UVSSA: variants seen among roughly 807,000 people sequenced by gnomAD.
The protein encoded by UVSSA is UV stimulated scaffold protein A, also known as UV-stimulated scaffold protein A.
Under a neutral mutation model 73.9 loss-of-function variants are expected in UVSSA, and 72 were observed. That is an observed-to-expected ratio of 0.97 (90% CI 0.81 to 1.19). The LOEUF (loss-of-function observed/expected upper bound fraction) is 1.19. UVSSA is among the 50% of genes most tolerant of loss of function. UVSSA has a pLI of 0.00. For synonymous variants in UVSSA, 454 were observed against 391.3 expected (o/e 1.16, Z -1.89); for missense variants, 1,150 against 965.0 (o/e 1.19, Z -2.54).
intron 8 of UVSSA, among the ~76,000 whole-genome samples, chr4:1,374,221 T>G (rs1560471647): frequency 6.6e-6 from 1 of 152,232 alleles, no homozygotes. Flanking sequence ...CAGGCTCAAG[T>G]GCAGGCCTTA....
At chr4:1,394,345 C>T (rs1454351273) in exon 14 of UVSSA, 1 of 1,237,274 alleles carries the variant, frequency 8.1e-7, no homozygotes, top group East Asian at 2.5e-5. Context: ...GCTCTTCCCC[C>T]TTAAAGATTA....
Position 1,380,126 on chromosome 4 carries a change from C to T in UVSSA, c.1648C>T (p.Arg550Trp), listed in dbSNP as rs139749595. 2.3e-4 allele frequency: 378 copies of T among 1,612,948 alleles called. 1 individual carries two copies. In the African/African-American group the frequency reaches 4.1e-3, roughly 17 times the overall value. ...VVNADISEMLRSRHITFAGKF... is the reference protein window; with the variant it reads ...VVNADISEMLWSRHITFAGKF... ...CAATGCCGACATCTCCGAGATGCTCCGGAGCCGCCACATCACTTTTGCCGG... is the reference window on the plus strand; with the variant it reads ...CAATGCCGACATCTCCGAGATGCTCTGGAGCCGCCACATCACTTTTGCCGG... Residue 550 changes from arginine (R) to tryptophan (W), a missense_variant, in exon 11 of 14, where the codon CGG becomes TGG. Physicochemically the swap from Arg to Trp is moderately radical, Grantham distance 101. Transcript: ENST00000389851.
chr4:1,356,542 T>A (rs1715794029), intron 7 of UVSSA: 1 of 152,242 alleles, frequency 6.6e-6, no homozygotes, highest in Non-Finnish European at 1.5e-5. Context: ...TTCTGTGAGT[T>A]GTGACGAAAA....
chr4:1,346,733 C>A (rs78774104), upstream of UVSSA, among the ~76,000 whole-genome samples: 585 of 152,168 alleles, frequency 3.8e-3, 31 homozygotes, highest in East Asian at 0.094. Flanking sequence ...GGTGAAGGGA[C>A]CTGGCTGCGA....
At chr4:1,363,868 C>T (rs1716970386) in intron 7 of UVSSA, among the ~76,000 whole-genome samples, 1 of 152,268 alleles carries the variant, frequency 6.6e-6, no homozygotes, top group Non-Finnish European at 1.5e-5. Context: ...TGATTAATGT[C>T]TCCTGTGCTT....
chr4:1,371,663 G>A (rs909556365), intron 8 of UVSSA, among the ~76,000 whole-genome samples: 1 of 152,220 alleles, frequency 6.6e-6, no homozygotes, highest in Non-Finnish European at 1.5e-5. Context: ...CAGGCAGGGA[G>A]AGGGCTTGTG....
intron 10 of UVSSA, 147 bp downstream of exon 10, chr4:1,376,315 G>A: frequency 1.6e-6 from 2 of 1,263,876 alleles, no homozygotes; most frequent in South Asian, 3.3e-5. Context: ...CACCTGGAGG[G>A]GCACAGGGGT....
intron 8 of UVSSA, among the ~76,000 whole-genome samples, chr4:1,372,755 TCACC>T (rs1167206499): frequency 0.13 from 9,773 of 76,126 alleles, 2,052 homozygotes; most frequent in East Asian, 0.27. Context: ...GTCCCTGCAC[TCACC>T]TCCCGCGTCT....
intron 8 of UVSSA, 103 bp from the exon 9 acceptor site, chr4:1,375,261 G>A (rs1303675267): frequency 1.3e-6 from 2 of 1,536,004 alleles, no homozygotes; most frequent in African/African-American, 2.7e-5. Flanking sequence ...GTTGGAAGAT[G>A]GAACACGCTA....
chr4:1,346,691 C>T (rs1464187506), upstream of UVSSA, among the ~76,000 whole-genome samples: 1 of 151,990 alleles, frequency 6.6e-6, no homozygotes, highest in Non-Finnish European at 1.5e-5. Flanking sequence ...CCCGCGCCCG[C>T]CCGTCTGGGC....
intron 1 of UVSSA, 163 bp downstream of exon 1, chr4:1,347,923 C>A (rs1713968549): frequency 3.2e-6 from 2 of 632,704 alleles, no homozygotes; most frequent in Non-Finnish European, 5.6e-6. Flanking sequence ...GCCGTAAAGG[C>A]CTTGCTGGAC....
exon 14 of UVSSA, chr4:1,395,578 G>A (rs78222806): frequency 3.2e-5 from 46 of 1,427,536 alleles, no homozygotes; most frequent in Admixed American, 1.8e-4. Context: ...CTGCTCACAC[G>A]TGCCCATGTG....
At chr4:1,369,045 G>T (rs906627600) in intron 8 of UVSSA, among the ~76,000 whole-genome samples, 1 of 152,222 alleles carries the variant, frequency 6.6e-6, no homozygotes, top group East Asian at 1.9e-4. Context: ...TCACAGCCTT[G>T]CCTGGGGCAG....
intron 13 of UVSSA, 36 bp from the exon 14 acceptor site, chr4:1,385,832 G>A (rs758511432): frequency 3.7e-6 from 6 of 1,611,344 alleles, no homozygotes; most frequent in Non-Finnish European, 5.1e-6. Context: ...CCTGGCGGAA[G>A]CCTCCCAGGT....
Position 1,353,238 on chromosome 4 carries a change from C to T in UVSSA, c.759C>T (p.Cys253=), listed in dbSNP as rs768575232. The T allele has an allele frequency of 7.4e-6, 12 of 1,611,742 alleles. No homozygotes were observed. The South Asian group carries it at 9.9e-5, about 13-fold the overall frequency. ...CCCGGGACGGGGAGCAGCCCTGCTGCAGTAGAGACCTGCCTGCCTCTGCAG... is the reference window on the plus strand; with the variant it reads ...CCCGGGACGGGGAGCAGCCCTGCTGTAGTAGAGACCTGCCTGCCTCTGCAG... ...PDPRDGEQPC[C]SRDLPASAGH... Residue 253 remains cysteine, a synonymous_variant, in exon 5 of 14, where the codon TGC becomes TGT. Coordinates refer to ENST00000389851, the MANE Select transcript of UVSSA (RefSeq NM_020894.4).
exon 14 of UVSSA, chr4:1,394,376 T>G: frequency 2.2e-6 from 3 of 1,394,884 alleles, no homozygotes; most frequent in Non-Finnish European, 2.9e-6. Context: ...GTTTTCCATG[T>G]TTTCTTCTAG....
At chr4:1,342,677 G>A (rs1230270668), upstream of UVSSA, among the ~76,000 whole-genome samples, 2 of 152,208 alleles carry the variant, frequency 1.3e-5, no homozygotes, top group African/African-American at 4.8e-5. Flanking sequence ...GGAAGAGCCT[G>A]AGGATGATTC....
chr4:1,379,666 C>T (rs185715086), intron 10 of UVSSA, among the ~76,000 whole-genome samples: 7 of 152,354 alleles, frequency 4.6e-5, no homozygotes, highest in South Asian at 2.1e-4. Flanking sequence ...TTCAAGGTCA[C>T]GCCTCAAGGA....
rs372089831 is a variant in UVSSA at position 1,351,850 on chromosome 4, C to T, written c.550+15C>T. On this transcript the variant is annotated intron_variant, in intron 4 of 13. Transcript: ENST00000389851. ...GGAGATGCAAGGCAAGTGTCCAGGA[C>T]GGAGGGAGGGGCCCACGCCTCTGAG... 4.7e-5 allele frequency: 75 copies of T among 1,611,712 alleles called. No individual in the cohort carries two copies. Among genetic ancestry groups the T allele is most frequent in the East Asian group, 3.1e-4 (14 of 44,864 alleles).
Sources: gnomAD v4.1 joint callset for allele counts (sites outside exome capture counted in the v4.1 genomes callset) on GRCh38, gnomAD v4.1.1 for gene constraint, MANE v1.5 for transcripts, NCBI Gene and HGNC (gene_info 2026-07-23, HGNC 2026-07-21) for gene names.